Variants in POLK observed in about 807,000 individuals in gnomAD.
POLK encodes DNA polymerase kappa.
A neutral mutation model predicts 94.0 loss-of-function variants in POLK; 76 were observed. The observed-to-expected ratio is 0.81, with a 90% CI of 0.67 to 0.98. POLK has a LOEUF of 0.98. Ranked by LOEUF, POLK falls within the 50% of genes least tolerant of loss-of-function variation. The pLI, the probability that POLK is intolerant of heterozygous loss-of-function variation, is 0.00. For synonymous variants in POLK, 349 were observed against 325.4 expected, an observed-to-expected ratio of 1.07 and a Z score of -0.78; for missense variants, 954 against 1,010.1, an observed-to-expected ratio of 0.94 and a Z score of 0.75.
downstream of POLK, among the ~76,000 whole-genome samples, chr5:75,602,037 T>A (rs530611635): frequency 3.3e-5 from 5 of 152,314 alleles, no homozygotes; most frequent in South Asian, 1.0e-3. Flanking sequence ...ACCCTATTTC[T>A]GTATCAGTTC....
At chr5:75,577,946 C>T (rs1771989974) in intron 6 of POLK, among the ~76,000 whole-genome samples, 1 of 152,052 alleles carries the variant, frequency 6.6e-6, no homozygotes. Context: ...TTTGGTGTAA[C>T]TTTATTGTTT....
chr5:75,574,504 A>G (rs1581057010), intron 5 of POLK, among the ~76,000 whole-genome samples: 1 of 152,170 alleles, frequency 6.6e-6, no homozygotes, highest in East Asian at 1.9e-4. Context: ...CTGGAATTTA[A>G]TTTTTGAATT....
intron 1 of POLK, among the ~76,000 whole-genome samples, chr5:75,530,245 CTTTTTTTTTT>C (rs575507126): frequency 3.1e-5 from 3 of 95,942 alleles, no homozygotes; most frequent in African/African-American, 1.2e-4. Flanking sequence ...ATTTGTATTT[CTTTTTTTTTT>C]TTTTTTTTTT....
At chr5:75,607,959 C>G in the POLK span, among the ~76,000 whole-genome samples, 1 of 152,118 alleles carries the variant, frequency 6.6e-6, no homozygotes, top group Non-Finnish European at 1.5e-5. Context: ...AAAGAGAAAT[C>G]TAGGAAGATG....
chr5:75,551,827 T>C (rs1007623175), intron 2 of POLK, among the ~76,000 whole-genome samples: 1 of 152,178 alleles, frequency 6.6e-6, no homozygotes, highest in Non-Finnish European at 1.5e-5. Flanking sequence ...AAAGGTTGAG[T>C]ATAGAGGTAC....
rs5744716 is a variant in POLK, at chr5:75,597,756, G to A, written c.2495G>A (p.Ser832Asn). ...TTTCTTTCCTCTAAAGGTAGCTCAAGTGGAGTACAGAAGGCTGTAACAAGA... is the reference window on the plus strand; with the variant it reads ...TTTCTTTCCTCTAAAGGTAGCTCAAATGGAGTACAGAAGGCTGTAACAAGA... The change falls in exon 14 of 15, where the codon AGT (serine) becomes AAT (asparagine). Residue 832 changes from serine to asparagine, a missense_variant. Coordinates refer to ENST00000241436, the Ensembl canonical transcript of POLK. 1.7e-3 allele frequency: 2,622 copies of A among 1,507,580 alleles called. 28 individuals carry two copies. In the South Asian group the frequency reaches 0.018, roughly 11 times the overall value. 93.4% of individuals were successfully genotyped at this position (1,507,580 alleles called of 1,614,324 possible). A position where few individuals can be genotyped will look rare whatever the true frequency, so the allele number is the denominator to read the frequency against.
At chr5:75,516,102 T>G (rs1312387447) in intron 1 of POLK, among the ~76,000 whole-genome samples, 2 of 152,226 alleles carry the variant, frequency 1.3e-5, no homozygotes, top group Non-Finnish European at 2.9e-5. Context: ...TTGTTTGAGC[T>G]CCTTATATAT....
At chr5:75,531,654 G>A (rs900135179) in intron 1 of POLK, among the ~76,000 whole-genome samples, 4 of 151,996 alleles carry the variant, frequency 2.6e-5, no homozygotes, top group Admixed American at 6.6e-5. Flanking sequence ...TTAGCCAGGC[G>A]TGGTGGTGGG....
intron 8 of POLK, 76 bp from the exon 9 acceptor site, chr5:75,584,684 A>AT: frequency 1.2e-6 from 1 of 843,968 alleles, no homozygotes; most frequent in Non-Finnish European, 1.8e-6. Flanking sequence ...AAAAAAAAAA[A>AT]GTGTAATGAG....
Position 75,574,449 on chromosome 5 carries a change from C to T in POLK, c.540+580C>T, listed in dbSNP as rs187096729. ...TTGCCAAACTGTCATATGTGAAAAC[C>T]GCCATTTTTTCTATTTTTTATGACA... On this transcript the variant is annotated intron_variant, in intron 5 of 14. Transcript: ENST00000241436. Among the ~76,000 whole-genome samples the T allele has an allele frequency of 6.6e-5, 10 of 152,130 alleles. No homozygotes were observed. In the East Asian group the frequency reaches 1.5e-3, roughly 23 times the overall value.
the POLK span, among the ~76,000 whole-genome samples, chr5:75,607,467 C>CA: frequency 0.046 from 2,770 of 59,618 alleles, 50 homozygotes; most frequent in East Asian, 0.11. Flanking sequence ...GACCTTGTCT[C>CA]AAAAAAAAAA....
intron 9 of POLK, 71 bp from the exon 10 acceptor site, chr5:75,586,955 G>A: frequency 1.9e-6 from 2 of 1,080,760 alleles, no homozygotes; most frequent in Non-Finnish European, 2.8e-6. Flanking sequence ...AATTGATAAT[G>A]TTAAATCCTC....
intron 1 of POLK, among the ~76,000 whole-genome samples, chr5:75,536,650 G>A (rs1381335120): frequency 6.6e-6 from 1 of 152,052 alleles, no homozygotes; most frequent in South Asian, 2.1e-4. Context: ...TGGGACAATA[G>A]TAGGCTGTGC....
At chr5:75,545,812 C>T (rs777130893) in intron 1 of POLK, among the ~76,000 whole-genome samples, 21 of 152,106 alleles carry the variant, frequency 1.4e-4, no homozygotes, top group Admixed American at 6.5e-5. Context: ...AAGTTTTCTA[C>T]TCATGCCTGG....
intron 3 of POLK, among the ~76,000 whole-genome samples, chr5:75,553,677 G>T (rs1770442763): frequency 6.6e-6 from 1 of 151,730 alleles, no homozygotes; most frequent in Admixed American, 6.6e-5. Flanking sequence ...TCTTATCTTT[G>T]TACTCTAGTG....
chr5:75,601,890 C>G (rs1773304313), downstream of POLK, among the ~76,000 whole-genome samples: 1 of 152,166 alleles, frequency 6.6e-6, no homozygotes, highest in Non-Finnish European at 1.5e-5. Context: ...TCTATTAGTT[C>G]TGTCCCTCTA....
intron 11 of POLK, among the ~76,000 whole-genome samples, chr5:75,591,901 A>G (rs1449405746): frequency 6.6e-6 from 1 of 152,196 alleles, no homozygotes; most frequent in Admixed American, 6.5e-5. Context: ...GGTGTATAAT[A>G]GCCACATGAT....
upstream of POLK, chr5:75,511,738 G>C: frequency 6.5e-7 from 1 of 1,550,248 alleles, no homozygotes; most frequent in Non-Finnish European, 8.7e-7. Flanking sequence ...GAGCCTTCGG[G>C]ATCCTCCTCC....
At chr5:75,556,567 G>T (rs1488530643) in intron 3 of POLK, among the ~76,000 whole-genome samples, 1 of 152,020 alleles carries the variant, frequency 6.6e-6, no homozygotes, top group Non-Finnish European at 1.5e-5. Context: ...CTTTGGTATT[G>T]TATCTAAATA....
Sources: gnomAD v4.1 joint callset for allele counts (sites outside exome capture counted in the v4.1 genomes callset) on GRCh38, gnomAD v4.1.1 for gene constraint, MANE v1.5 for transcripts, NCBI Gene and HGNC (gene_info 2026-07-23, HGNC 2026-07-21) for gene names.